Variants in NAALADL2 observed in about 807,000 individuals in gnomAD.
NAALADL2 encodes the protein N-acetylated alpha-linked acidic dipeptidase like 2.
In NAALADL2, 76 loss-of-function variants were observed where a neutral mutation model predicts 87.2. That is an observed-to-expected ratio of 0.87 (90% CI 0.72 to 1.05). NAALADL2 has a LOEUF of 1.05. Among genes scored for constraint, NAALADL2 ranks in the 50% least tolerant of loss-of-function variants. NAALADL2 has a pLI of 0.00. For synonymous variants in NAALADL2, 354 were observed against 331.0 expected (o/e 1.07, Z -0.75); for missense variants, 1,089 against 945.8 (o/e 1.15, Z -1.99).
intron 1 of NAALADL2, among the ~76,000 whole-genome samples, chr3:175,020,162 A>G (rs1336426887): frequency 6.6e-6 from 1 of 151,938 alleles, no homozygotes; most frequent in Non-Finnish European, 1.5e-5. Flanking sequence ...CCAGACACTA[A>G]TCCTACCAGA....
intron 4 of NAALADL2, among the ~76,000 whole-genome samples, chr3:175,270,000 A>G (rs996738557): frequency 2.6e-5 from 4 of 152,218 alleles, no homozygotes; most frequent in Non-Finnish European, 5.9e-5. Flanking sequence ...AGAATTTATC[A>G]TACTATATTT....
intron 2 of NAALADL2, among the ~76,000 whole-genome samples, chr3:175,121,817 C>T (rs1174945356): frequency 6.6e-6 from 1 of 151,744 alleles, no homozygotes; most frequent in Non-Finnish European, 1.5e-5. Context: ...TTTGATGTAA[C>T]TAAAATGCAT....
chr3:174,848,005 C>CTTT (rs199978559), intron 3 of NAALADL2, among the ~76,000 whole-genome samples: 12 of 144,462 alleles, frequency 8.3e-5, no homozygotes, highest in African/African-American at 2.8e-4. Context: ...TCTTTTCTCT[C>CTTT]TCTTTTTTTT....
intron 4 of NAALADL2, among the ~76,000 whole-genome samples, chr3:175,291,737 T>A (rs56250770): frequency 0.084 from 12,781 of 152,126 alleles, 679 homozygotes; most frequent in Non-Finnish European, 0.12. Flanking sequence ...TGCAATTACA[T>A]CAATGCAATG....
intron 2 of NAALADL2, among the ~76,000 whole-genome samples, chr3:175,136,138 G>A (rs1236724530): frequency 6.6e-6 from 1 of 152,114 alleles, no homozygotes; most frequent in African/African-American, 2.4e-5. Context: ...GTATCTGAGG[G>A]GCCAGTGCTT....
At chr3:174,811,707 G>A (rs1720233501) in intron 3 of NAALADL2, among the ~76,000 whole-genome samples, 1 of 152,102 alleles carries the variant, frequency 6.6e-6, no homozygotes, top group Admixed American at 6.5e-5. Flanking sequence ...TGTTAAGAAG[G>A]GATGATTGTA....
chr3:174,591,527 T>C (rs16862238), intron 2 of NAALADL2, among the ~76,000 whole-genome samples: 6,359 of 152,180 alleles, frequency 0.042, 166 homozygotes, highest in East Asian at 0.094. Flanking sequence ...GAGCATGAAA[T>C]GAAAACTTCC....
Position 175,679,050 on chromosome 3 carries a change from G to C in NAALADL2, c.1896+51664G>C, listed in dbSNP as rs1429526543. On this transcript the variant is annotated intron_variant, in intron 11 of 13. Transcript: ENST00000454872. ...GTTGTTCTCTAGCTGGTAGGGGTGG[G>C]GGTCACAAGGTGCTCAGTGGGGGAG... Among the ~76,000 whole-genome samples the C allele has an allele frequency of 2.0e-5, 3 of 151,994 alleles. No homozygotes were observed. In the East Asian group the frequency reaches 5.8e-4, roughly 30 times the overall value.
intron 4 of NAALADL2, among the ~76,000 whole-genome samples, chr3:175,283,907 A>G (rs556910470): frequency 2.0e-4 from 30 of 152,220 alleles, no homozygotes; most frequent in Admixed American, 9.8e-4. Context: ...CAGATTCACT[A>G]TGTCTCAAGG....
At chr3:175,134,180 T>C (rs1728722230) in intron 2 of NAALADL2, among the ~76,000 whole-genome samples, 1 of 152,238 alleles carries the variant, frequency 6.6e-6, no homozygotes. Context: ...CTTCTCATTG[T>C]GTCTTGTAAT....
chr3:175,559,707 G>A (rs1225012111), intron 9 of NAALADL2, among the ~76,000 whole-genome samples: 1 of 152,100 alleles, frequency 6.6e-6, no homozygotes, highest in Non-Finnish European at 1.5e-5. Flanking sequence ...TACAGTTTTT[G>A]TCCTTCATCC....
At chr3:174,498,240 T>A (rs1452478503) in intron 1 of NAALADL2, among the ~76,000 whole-genome samples, 3 of 152,094 alleles carry the variant, frequency 2.0e-5, no homozygotes, top group Admixed American at 2.0e-4. Flanking sequence ...CTGCTTTCTT[T>A]CATTATATAT....
At chr3:174,779,160 T>C (rs1715607754) in intron 3 of NAALADL2, among the ~76,000 whole-genome samples, 1 of 152,234 alleles carries the variant, frequency 6.6e-6, no homozygotes, top group Non-Finnish European at 1.5e-5. Context: ...GACTTTTTAA[T>C]GACAGCCATT....
chr3:175,302,848 A>ATGTG (rs139809783), intron 4 of NAALADL2, among the ~76,000 whole-genome samples: 4 of 148,806 alleles, frequency 2.7e-5, no homozygotes, highest in African/African-American at 4.9e-5. Flanking sequence ...ATGTGTGTGT[A>ATGTG]TGTGTGTGTG....
chr3:174,460,141 C>G (rs1716117862), intron 1 of NAALADL2, among the ~76,000 whole-genome samples: 1 of 152,044 alleles, frequency 6.6e-6, no homozygotes, highest in Non-Finnish European at 1.5e-5. Context: ...GATTTTTTAG[C>G]AATCTACTTC....
chr3:175,115,286 T>C (rs1039305545), intron 2 of NAALADL2: 6 of 151,644 alleles, frequency 4.0e-5, no homozygotes, highest in Admixed American at 1.3e-4. Context: ...ATTGTGAGCA[T>C]TGATTTGTTA....
chr3:175,126,947 G>A (rs1727063563), intron 2 of NAALADL2, among the ~76,000 whole-genome samples: 1 of 150,864 alleles, frequency 6.6e-6, no homozygotes, highest in African/African-American at 2.4e-5. Context: ...TAAATGTTAT[G>A]AGTATCGACT....
intron 2 of NAALADL2, among the ~76,000 whole-genome samples, chr3:175,199,891 T>C (rs370418388): frequency 3.3e-4 from 33 of 99,428 alleles, no homozygotes; most frequent in Non-Finnish European, 6.0e-4. Flanking sequence ...TTTTTTTTTT[T>C]TCCTTAGTCC....
At chr3:174,900,253 A>G (rs1373151885) in intron 1 of NAALADL2, among the ~76,000 whole-genome samples, 1 of 152,080 alleles carries the variant, frequency 6.6e-6, no homozygotes, top group African/African-American at 2.4e-5. Flanking sequence ...TAGAATCACA[A>G]AATTGGGTAG....
Sources: gnomAD v4.1 joint callset for allele counts (sites outside exome capture counted in the v4.1 genomes callset) on GRCh38, gnomAD v4.1.1 for gene constraint, MANE v1.5 for transcripts, NCBI Gene and HGNC (gene_info 2026-07-23, HGNC 2026-07-21) for gene names.